Variants in ANO6 observed in about 807,000 individuals in gnomAD.
ANO6 encodes anoctamin 6.
ANO6 carries 106 observed loss-of-function variants against 117.5 expected under a neutral mutation model. The ratio of observed to expected loss-of-function variants is 0.90; its 90% CI spans 0.77 to 1.06. The LOEUF (loss-of-function observed/expected upper bound fraction) is 1.06, where lower values mean the gene tolerates loss of function less well. Among genes scored for constraint, ANO6 ranks in the 50% least tolerant of loss-of-function variants. The pLI, the probability that ANO6 is intolerant of heterozygous loss-of-function variation, is 0.00. For synonymous variants in ANO6, 367 were observed against 385.1 expected (o/e 0.95, Z 0.55); for missense variants, 955 against 1,121.1 (o/e 0.85, Z 2.12).
At chr12:45,290,619 C>T (rs1226267985) in intron 1 of ANO6, among the ~76,000 whole-genome samples, 2 of 152,170 alleles carry the variant, frequency 1.3e-5, no homozygotes, top group Non-Finnish European at 2.9e-5. Flanking sequence ...CATATTTCTA[C>T]AATTAATACT....
chr12:45,264,347 T>G (rs924334401), intron 1 of ANO6, among the ~76,000 whole-genome samples: 3 of 152,236 alleles, frequency 2.0e-5, no homozygotes, highest in African/African-American at 7.2e-5. Flanking sequence ...TCCTACTCTG[T>G]CCTTGGCCTA....
intron 6 of ANO6, among the ~76,000 whole-genome samples, chr12:45,349,727 G>T (rs569030748): frequency 6.6e-6 from 1 of 152,260 alleles, no homozygotes; most frequent in East Asian, 1.9e-4. Flanking sequence ...ACAGGGAGCT[G>T]GGTGAGGTAA....
At chr12:45,383,205 A>C in intron 10 of ANO6, 1 of 205,934 alleles carries the variant, frequency 4.9e-6, no homozygotes. Flanking sequence ...ATCCATAGAA[A>C]GCAACTTCTC....
chr12:45,415,498 G>A (rs2137679268), intron 16 of ANO6, among the ~76,000 whole-genome samples: 1 of 152,344 alleles, frequency 6.6e-6, no homozygotes, highest in East Asian at 1.9e-4. Flanking sequence ...CTCCACACAT[G>A]GCTATTACTT....
intron 1 of ANO6, among the ~76,000 whole-genome samples, chr12:45,231,873 G>GA (rs751930661): frequency 5.9e-5 from 9 of 152,160 alleles, no homozygotes; most frequent in Non-Finnish European, 1.3e-4. Flanking sequence ...TGGTTTTCCT[G>GA]AGAGTTACAG....
chr12:45,252,420 T>A (rs1937651015), intron 1 of ANO6, among the ~76,000 whole-genome samples: 1 of 152,212 alleles, frequency 6.6e-6, no homozygotes, highest in Admixed American at 6.5e-5. Context: ...GCCAGAAAAC[T>A]CCAAATACAA....
chr12:45,265,384 C>T (rs1938181263), intron 1 of ANO6, among the ~76,000 whole-genome samples: 1 of 152,132 alleles, frequency 6.6e-6, no homozygotes, highest in East Asian at 1.9e-4. Flanking sequence ...CTGAAGTGAC[C>T]TATATACCCT....
At chr12:45,409,206 A>G in intron 15 of ANO6, 151 bp from the exon 16 acceptor site, 1 of 931,292 alleles carries the variant, frequency 1.1e-6, no homozygotes, top group Non-Finnish European at 1.6e-6. Context: ...TTTTGGAATA[A>G]GGAGGCAGAA....
intron 2 of ANO6, among the ~76,000 whole-genome samples, chr12:45,303,083 G>A (rs1939550534): frequency 6.6e-6 from 1 of 152,174 alleles, no homozygotes; most frequent in Non-Finnish European, 1.5e-5. Flanking sequence ...AGAAACTAGA[G>A]AGTGCTCTGG....
chr12:45,380,589 T>G (rs1426993823), intron 10 of ANO6, among the ~76,000 whole-genome samples: 1 of 152,208 alleles, frequency 6.6e-6, no homozygotes, highest in Non-Finnish European at 1.5e-5. Flanking sequence ...GTTTCTGACT[T>G]AAGTGACATA....
chr12:45,424,327 G>GTTTTTTTTTTTTTTT (rs66945216), intron 19 of ANO6, among the ~76,000 whole-genome samples: 2 of 81,272 alleles, frequency 2.5e-5, no homozygotes, highest in Admixed American at 1.9e-4. Flanking sequence ...TAGGTGATGG[G>GTTTTTTTTTTTTTTT]TTTTTTTTTT....
chr12:45,374,425 C>T (rs1941943026), intron 9 of ANO6, among the ~76,000 whole-genome samples: 1 of 95,764 alleles, frequency 1.0e-5, no homozygotes, highest in South Asian at 4.3e-4. Context: ...GACCAATATC[C>T]TTGATGAACA....
chr12:45,381,686 G>A (rs1467613408), intron 10 of ANO6, among the ~76,000 whole-genome samples: 1 of 152,166 alleles, frequency 6.6e-6, no homozygotes, highest in Non-Finnish European at 1.5e-5. Flanking sequence ...GCTAACACCA[G>A]ACTATGTCTT....
In ANO6 at chr12:45,429,218, G is replaced by A. The variant is rs769128443; in HGVS notation, c.2640G>A (p.Glu880=). 6.2e-7 allele frequency: 1 copy of A among 1,613,874 alleles called. No individual in the cohort carries two copies. Among genetic ancestry groups the A allele is most frequent in the Non-Finnish European group, 8.5e-7 (1 of 1,179,918 alleles). The stretch of plus-strand genomic sequence containing the variant: ...ACCTAACCCAAAAGCTTCTTCATGA[G>A]AATCACCTCAAAGATATGACGAAAA... ...EKYLTQKLLH[E]NHLKDMTKNM... The change falls in exon 20 of 20, where the codon GAG becomes GAA. Residue 880 remains glutamate (E), a synonymous_variant. Coordinates refer to ENST00000320560, the MANE Select transcript of ANO6 (RefSeq NM_001025356.3).
chr12:45,294,847 TAGAA>T (rs1227489653), intron 1 of ANO6, among the ~76,000 whole-genome samples: 1 of 152,210 alleles, frequency 6.6e-6, no homozygotes, highest in Non-Finnish European at 1.5e-5. Flanking sequence ...ATTGTCAAGA[TAGAA>T]GTCAGAAGGA....
intron 19 of ANO6, among the ~76,000 whole-genome samples, 170 bp downstream of exon 19, chr12:45,423,232 C>T (rs1389133631): frequency 1.3e-5 from 2 of 152,138 alleles, no homozygotes; most frequent in Admixed American, 6.5e-5. Context: ...ACTTCATTAA[C>T]GAGAGCATTA....
At chr12:45,290,792 A>T (rs1039355021) in intron 1 of ANO6, among the ~76,000 whole-genome samples, 2 of 152,236 alleles carry the variant, frequency 1.3e-5, no homozygotes, top group East Asian at 3.8e-4. Context: ...GAAAAAGCAG[A>T]TCCACAATTT....
chr12:45,332,554 T>A (rs976214178), intron 3 of ANO6, among the ~76,000 whole-genome samples: 1 of 152,052 alleles, frequency 6.6e-6, no homozygotes, highest in Admixed American at 6.6e-5. Context: ...GACCTTCAAG[T>A]TCTAATTCTG....
chr12:45,312,786 TAATA>T (rs202155708), intron 2 of ANO6, among the ~76,000 whole-genome samples: 2,472 of 152,138 alleles, frequency 0.016, 41 homozygotes, highest in South Asian at 0.072. Context: ...TGACAGATTA[TAATA>T]ACTACCAAAC....
Sources: gnomAD v4.1 joint callset for allele counts (sites outside exome capture counted in the v4.1 genomes callset) on GRCh38, gnomAD v4.1.1 for gene constraint, MANE v1.5 for transcripts, NCBI Gene and HGNC (gene_info 2026-07-23, HGNC 2026-07-21) for gene names.